Variants in SNX27 observed in about 807,000 individuals in gnomAD.
SNX27 encodes the protein sorting nexin 27, also known as sorting nexin-27.
Under a neutral mutation model 71.6 loss-of-function variants are expected in SNX27, and 22 were observed. The observed-to-expected ratio is 0.31, with a 90% confidence interval of 0.22 to 0.44. The LOEUF is 0.44. Among genes scored for constraint, SNX27 ranks in the 20% least tolerant of loss-of-function variants. The pLI, the probability that SNX27 is intolerant of heterozygous loss-of-function variation, is 1.00. For synonymous variants in SNX27, 269 were observed against 277.2 expected (o/e 0.97, Z 0.29); for missense variants, 531 against 698.6 (o/e 0.76, Z 2.70).
chr1:151,693,880 AAT>A, intron 11 of SNX27: 1 of 1,398,624 alleles, frequency 7.1e-7, no homozygotes, highest in East Asian at 2.6e-5. Flanking sequence ...GCGAACCAAG[AAT>A]GTTTGTGTGA....
chr1:151,646,111 G>C (rs1669022553), intron 2 of SNX27, among the ~76,000 whole-genome samples: 1 of 151,730 alleles, frequency 6.6e-6, no homozygotes, highest in South Asian at 2.1e-4. Context: ...TTTATCCCTG[G>C]TAATATTCTT....
intron 7 of SNX27, among the ~76,000 whole-genome samples, chr1:151,673,582 A>G (rs1029826434): frequency 6.6e-6 from 1 of 151,982 alleles, no homozygotes; most frequent in Admixed American, 6.6e-5. Flanking sequence ...ATCTTTGTTG[A>G]TTTTCTGTCT....
chr1:151,612,080 G>A lies in SNX27; in HGVS notation c.-122G>A. The A allele has an allele frequency of 9.0e-7, 1 of 1,114,434 alleles. No individual in the cohort carries two copies. The allele number at this position is 1,114,434 out of a possible 1,614,324, so 69.0% of individuals were successfully genotyped here. On this transcript the variant is annotated 5_prime_UTR_variant, in exon 1 of 12. Coordinates refer to ENST00000458013, the MANE Select transcript of SNX27 (RefSeq NM_001330723.2). This position sits in a 1 kb window ranked among gnomAD's most constrained non-coding sequence, Gnocchi z 5.2. Reference sequence around the variant, plus strand: ...GCGCCAGCAGCTCGGTGGCCGAGTCGGTCCCGCGGCCGGCGGATCGGGCGC... The same window carrying A: ...GCGCCAGCAGCTCGGTGGCCGAGTCAGTCCCGCGGCCGGCGGATCGGGCGC...
intron 8 of SNX27, among the ~76,000 whole-genome samples, chr1:151,686,791 A>G (rs906034527): frequency 6.6e-6 from 1 of 152,270 alleles, no homozygotes; most frequent in Admixed American, 6.5e-5. Flanking sequence ...TACAATTAGT[A>G]GTTGTCACAT....
intron 1 of SNX27, among the ~76,000 whole-genome samples, chr1:151,632,704 A>G (rs1266560406): frequency 6.6e-6 from 1 of 152,134 alleles, no homozygotes; most frequent in Non-Finnish European, 1.5e-5. Flanking sequence ...GCAGATATGT[A>G]CAGATTCATC....
chr1:151,668,591 C>A lies in SNX27; in HGVS notation c.1105C>A (p.Leu369Ile), dbSNP rs1670316958. 1.9e-6 allele frequency: 3 copies of A among 1,613,840 alleles called. No individual in the cohort carries two copies. Among genetic ancestry groups the A allele is most frequent in the Admixed American group, 1.7e-5 (1 of 59,976 alleles). Residue 369 changes from leucine to isoleucine, a missense_variant, in exon 7 of 12, where the codon CTC (leucine) becomes ATC (isoleucine). Physicochemically the swap from Leu to Ile is conservative, Grantham distance 5. Transcript: ENST00000458013. Reference sequence around the variant, plus strand: ...GCTTTTTACAACAGAAGAAGAAATTCTCTTAAATGACAATGACCTTGCTGT... The same window carrying A: ...GCTTTTTACAACAGAAGAAGAAATTATCTTAAATGACAATGACCTTGCTGT... ...KWLFTTEEEI[L>I]LNDNDLAVTY...
chr1:151,655,919 C>CAA (rs1571828356), intron 2 of SNX27, among the ~76,000 whole-genome samples: 1 of 151,942 alleles, frequency 6.6e-6, no homozygotes, highest in East Asian at 1.9e-4. Flanking sequence ...ACTTAAATGA[C>CAA]AAAACAAAAA....
chr1:151,680,890 C>G (rs1349834442), intron 7 of SNX27, among the ~76,000 whole-genome samples: 1 of 152,172 alleles, frequency 6.6e-6, no homozygotes, highest in Non-Finnish European at 1.5e-5. Context: ...AGGACATTGA[C>G]ATTGCATCGT....
intron 7 of SNX27, among the ~76,000 whole-genome samples, chr1:151,671,636 G>A (rs1284217866): frequency 6.6e-6 from 1 of 151,816 alleles, no homozygotes; most frequent in Non-Finnish European, 1.5e-5. Context: ...TTGTGAAGAT[G>A]TCATTGGTAT....
At chr1:151,687,578 G>A (rs1048615786) in intron 8 of SNX27, among the ~76,000 whole-genome samples, 1 of 152,176 alleles carries the variant, frequency 6.6e-6, no homozygotes, top group African/African-American at 2.4e-5. Context: ...TTGTTTGGGA[G>A]AACAGAGAGT....
intron 10 of SNX27, 93 bp from the exon 11 acceptor site, chr1:151,693,331 G>A: frequency 7.8e-7 from 1 of 1,280,930 alleles, no homozygotes; most frequent in Non-Finnish European, 1.1e-6. Context: ...ACTGAGTTTG[G>A]AAGATGGGAT....
chr1:151,613,657 C>A (rs922268639), intron 1 of SNX27, among the ~76,000 whole-genome samples: 1 of 152,074 alleles, frequency 6.6e-6, no homozygotes, highest in Non-Finnish European at 1.5e-5. Flanking sequence ...CCCACCACAT[C>A]CCTCCATGCT....
At chr1:151,666,032 C>T in intron 6 of SNX27, 21 bp downstream of exon 6, 1 of 1,589,374 alleles carries the variant, frequency 6.3e-7, no homozygotes. Context: ...GTGGCTGATA[C>T]TAAGTTTTGT....
In SNX27 at chr1:151,675,448, T is replaced by TC. The variant is rs1355464977; in HGVS notation, c.1149+6814dup. ...TAATACAGATACAACCTTTTTCTTT[T>TC]CTTTTTTCCTTTTTCATACAGTTTT... On this transcript the variant is annotated intron_variant, in intron 7 of 11. Transcript: ENST00000458013. Among the ~76,000 whole-genome samples the TC allele has an allele frequency of 5.3e-5, 8 of 152,288 alleles. No individual in the cohort carries two copies. In the East Asian group the frequency reaches 1.3e-3, roughly 26 times the overall value.
chr1:151,654,890 ACTT>A (rs1328190974), intron 2 of SNX27, among the ~76,000 whole-genome samples: 2 of 152,198 alleles, frequency 1.3e-5, no homozygotes, highest in African/African-American at 4.8e-5. Flanking sequence ...TCGTAATCCC[ACTT>A]CTTAATATAT....
At chr1:151,668,763 A>C (rs910201427) in intron 7 of SNX27, 128 bp downstream of exon 7, 51 of 714,082 alleles carry the variant, frequency 7.1e-5, no homozygotes, top group Non-Finnish European at 9.4e-5. Flanking sequence ...CATTTGTAAA[A>C]TGTTCTATCC....
At chr1:151,626,595 G>T (rs1056743060) in intron 1 of SNX27, among the ~76,000 whole-genome samples, 2 of 152,072 alleles carry the variant, frequency 1.3e-5, no homozygotes, top group South Asian at 4.1e-4. Flanking sequence ...CCAGCTACTT[G>T]GGAGGCTGAG....
intron 1 of SNX27, among the ~76,000 whole-genome samples, chr1:151,624,409 TTATATATA>T (rs10577800): frequency 1.8e-4 from 23 of 129,774 alleles, no homozygotes; most frequent in African/African-American, 5.8e-4. Flanking sequence ...TAGCTTGATT[TTATATATA>T]TATATATATA....
At chr1:151,693,208 T>C in intron 10 of SNX27, 169 bp downstream of exon 10, 1 of 1,069,044 alleles carries the variant, frequency 9.4e-7, no homozygotes, top group Admixed American at 2.6e-5. Context: ...TAGGCCTGAC[T>C]GGAATTGGCA....
Sources: gnomAD v4.1 joint callset for allele counts (sites outside exome capture counted in the v4.1 genomes callset) on GRCh38, gnomAD v4.1.1 for gene constraint, Gnocchi (gnomAD v3.1) non-coding constraint, MANE v1.5 for transcripts, NCBI Gene and HGNC (gene_info 2026-07-23, HGNC 2026-07-21) for gene names.